RIOK2: variants seen among roughly 807,000 people sequenced by gnomAD.
RIOK2 encodes the protein RIO kinase 2.
RIOK2 carries 46 observed loss-of-function variants against 62.4 expected under a neutral mutation model. The ratio of observed to expected loss-of-function variants is 0.74; its 90% CI spans 0.58 to 0.94. The LOEUF is 0.94. Ranked by LOEUF, RIOK2 falls within the 40% of genes least tolerant of loss-of-function variation. The pLI, the probability that RIOK2 is intolerant of heterozygous loss-of-function variation, is 0.00. For missense variants in RIOK2, 574 were observed against 658.0 expected, an observed-to-expected ratio of 0.87 and a Z score of 1.40; for synonymous variants, 197 against 216.0, an observed-to-expected ratio of 0.91 and a Z score of 0.77.
chr5:97,173,333 T>C, intron 4 of RIOK2, 70 bp from the exon 5 acceptor site: 1 of 955,338 alleles, frequency 1.0e-6, no homozygotes, highest in Non-Finnish European at 1.6e-6. Flanking sequence ...TAAAAGTAAA[T>C]ATACCTTTCT....
At chr5:97,173,303 C>A in intron 4 of RIOK2, 40 bp from the exon 5 acceptor site, 1 of 1,233,996 alleles carries the variant, frequency 8.1e-7, no homozygotes, top group South Asian at 1.2e-5. Flanking sequence ...ATGAACAGGT[C>A]ATTACTCTTT....
intron 1 of RIOK2, among the ~76,000 whole-genome samples, chr5:97,182,049 C>T (rs1749427914): frequency 6.6e-6 from 1 of 152,178 alleles, no homozygotes; most frequent in African/African-American, 2.4e-5. Flanking sequence ...ATCGCATATC[C>T]TATTACATAA....
At position 97,173,239 on chromosome 5, in the gene RIOK2, C is replaced by T. The variant is rs35713904; in HGVS notation, c.523G>A (p.Val175Ile). Residue 175 changes from valine to isoleucine, a missense_variant, in exon 5 of 10, where the codon GTT (valine) becomes ATT (isoleucine). Coordinates refer to ENST00000283109, the MANE Select transcript of RIOK2 (RefSeq NM_018343.3). Reference protein sequence around the residue: ...MKALYERKFPVPKPIDYNRHA... With the variant: ...MKALYERKFPIPKPIDYNRHA... ...CGATTGTAATCAATTGGCTTTGGAACTGGAAATTTCCTCTCATACAATGCC... is the reference window on the plus strand; with the variant it reads ...CGATTGTAATCAATTGGCTTTGGAATTGGAAATTTCCTCTCATACAATGCC... 0.018 allele frequency: 29,557 copies of T among 1,612,764 alleles called. 329 individuals are homozygous for T. Among genetic ancestry groups the T allele is most frequent in the Middle Eastern group, 0.024 (145 of 6,056 alleles).
intron 8 of RIOK2, among the ~76,000 whole-genome samples, chr5:97,166,559 T>A (rs1334721464): frequency 6.6e-6 from 1 of 152,174 alleles, no homozygotes; most frequent in African/African-American, 2.4e-5. Flanking sequence ...TAACTACAAT[T>A]TGATTCTGAA....
At position 97,174,280 on chromosome 5, in the gene RIOK2, C is replaced by T. The variant is rs369478164; in HGVS notation, c.499-1017G>A. The stretch of plus-strand genomic sequence containing the variant: ...TAAAAATACAAAAAAATTAGCCAGG[C>T]GTGGTGGCACATGCCTGTAGTCCCA... On this transcript the variant is annotated intron_variant, in intron 4 of 9. Coordinates refer to ENST00000283109, the MANE Select transcript of RIOK2 (RefSeq NM_018343.3). 1.5e-4 allele frequency among the ~76,000 whole-genome samples: 23 copies of T among 152,182 alleles called. No individual in the cohort carries two copies. In the South Asian group the frequency reaches 3.5e-3, roughly 23 times the overall value.
chr5:97,173,360 C>T (rs776944307), intron 4 of RIOK2, 97 bp from the exon 5 acceptor site: 20 of 714,066 alleles, frequency 2.8e-5, no homozygotes, highest in Non-Finnish European at 4.2e-5. Flanking sequence ...AGAAAAAAAA[C>T]ACACAAACCT....
In RIOK2 at chr5:97,163,026, A is replaced by AAAAT; in HGVS notation, c.*31_*34dup. 1.3e-6 allele frequency: 2 copies of AAAAT among 1,540,790 alleles called. No homozygotes were observed. Among genetic ancestry groups the AAAAT allele is most frequent in the African/African-American group, 2.8e-5 (2 of 72,192 alleles). ...CAAAAAGGAATTACAGTAACTTTAA[A>AAAAT]AAATATATTAAACATATCCAAGATC... On this transcript the variant is annotated 3_prime_UTR_variant, in exon 10 of 10. Transcript: ENST00000283109.
At chr5:97,180,132 A>ATATATATGTATATATATATG (rs1561522404) in intron 1 of RIOK2, among the ~76,000 whole-genome samples, 1 of 36,828 alleles carries the variant, frequency 2.7e-5, no homozygotes, top group Non-Finnish European at 6.2e-5. Context: ...ATATGTATAT[A>ATATATATGTATATATATATG]TATATATATG....
chr5:97,178,716 T>C (rs986714520), intron 2 of RIOK2: 1 of 322,916 alleles, frequency 3.1e-6, no homozygotes, highest in Non-Finnish European at 5.8e-6. Context: ...AGTACCTACG[T>C]GCTCTTCTGC....
chr5:97,182,293 T>A (rs1462405903), intron 1 of RIOK2, among the ~76,000 whole-genome samples: 1 of 152,216 alleles, frequency 6.6e-6, no homozygotes, highest in Non-Finnish European at 1.5e-5. Context: ...TTCCGCTACA[T>A]CTCCAACCAT....
intron 1 of RIOK2, 52 bp downstream of exon 1, chr5:97,183,072 AAG>A (rs569753561): frequency 6.3e-7 from 1 of 1,582,696 alleles, no homozygotes; most frequent in African/African-American, 1.3e-5. Flanking sequence ...CAGGAACAGG[AAG>A]AGGTCACACA....
chr5:97,162,454 C>A lies in RIOK2; in HGVS notation c.*607G>T, dbSNP rs1748729678. 6.6e-6 allele frequency: 1 copy of A among 152,460 alleles called. No individual in the cohort carries two copies. The highest frequency in any genetic ancestry group is 1.5e-5 in the Non-Finnish European group (1 of 68,222). The allele number at this position is 152,460 out of a possible 1,614,324, so 9.4% of individuals were successfully genotyped here. On this transcript the variant is annotated 3_prime_UTR_variant, in exon 10 of 10. Coordinates refer to ENST00000283109, the MANE Select transcript of RIOK2 (RefSeq NM_018343.3). ...CTCAGGCCTGCTTACAAGCTGCCAA[C>A]TGTAAAAATTGTGGTAGACTATCTC...
chr5:97,165,029 T>C, intron 9 of RIOK2, 22 bp downstream of exon 9: 1 of 1,470,770 alleles, frequency 6.8e-7, no homozygotes, highest in Non-Finnish European at 9.4e-7. Context: ...AAACATTCAG[T>C]ACATGTTGAA....
chr5:97,181,923 C>G (rs989422331), intron 1 of RIOK2, among the ~76,000 whole-genome samples: 2 of 152,136 alleles, frequency 1.3e-5, no homozygotes, highest in African/African-American at 4.8e-5. Flanking sequence ...ACATTGTCTT[C>G]CAAATTTCAC....
chr5:97,169,870 T>C (rs73143197), intron 6 of RIOK2, among the ~76,000 whole-genome samples: 6,379 of 152,284 alleles, frequency 0.042, 374 homozygotes, highest in African/African-American at 0.13. Context: ...TGGAGGCTCC[T>C]AGATGTTCCT....
rs754805769 is a variant in RIOK2, at chr5:97,177,285, TAAATATCTA to T, written c.323-3_328del. The T allele has an allele frequency of 1.1e-5, 18 of 1,609,920 alleles. No homozygotes were observed. The highest frequency in any genetic ancestry group is 6.6e-5 in the South Asian group (6 of 90,620). ...TTGTCCTTCTTCATTTGCAACAATG[TAAATATCTA>T]GAGACAAAATTTCAAAAACAACCAT... On this transcript the variant is annotated splice_acceptor_variant and splice_polypyrimidine_tract_variant and coding_sequence_variant and intron_variant, in exon 4 of 10. Coordinates refer to ENST00000283109, the MANE Select transcript of RIOK2 (RefSeq NM_018343.3). LOFTEE classifies it high-confidence loss of function.
chr5:97,164,665 C>T (rs1466960712), intron 9 of RIOK2, among the ~76,000 whole-genome samples: 2 of 152,138 alleles, frequency 1.3e-5, no homozygotes, highest in African/African-American at 2.4e-5. Flanking sequence ...ATGACTCATC[C>T]ACCTCAAACC....
chr5:97,167,850 A>T lies in RIOK2; in HGVS notation c.1014T>A (p.Asp338Glu). The change falls in exon 8 of 10, where the codon GAT becomes GAA. Residue 338 changes from aspartate to glutamate, a missense_variant. Physicochemically the swap from Asp to Glu is conservative, Grantham distance 45. Coordinates refer to ENST00000283109, the MANE Select transcript of RIOK2 (RefSeq NM_018343.3). ...CCTCTGCTTTTTCTGCCACTTCTCC[A>T]TCTGAAAATGAGAATTCAGATCCCT... ...TKEGSEFSFS[D>E]GEVAEKAEVY... 6.2e-7 allele frequency: 1 copy of T among 1,614,070 alleles called. No individual in the cohort carries two copies. The highest frequency in any genetic ancestry group is 1.7e-5 in the Admixed American group (1 of 60,026).
In RIOK2 at chr5:97,168,064, C is replaced by A. The variant is rs146452275; in HGVS notation, c.873-73G>T. On this transcript the variant is annotated intron_variant, in intron 7 of 9. Coordinates refer to ENST00000283109, the MANE Select transcript of RIOK2 (RefSeq NM_018343.3). ...CTAAGAGGAGCAAATATCTACTACT[C>A]TGATAAATTATGATTCAAGTGAGTT... The A allele has an allele frequency of 3.5e-4, 488 of 1,411,174 alleles. 4 individuals are homozygous for A. In the East Asian group the frequency reaches 0.011, roughly 32 times the overall value. 87.4% of individuals were successfully genotyped at this position (1,411,174 alleles called of 1,614,324 possible).
Sources: gnomAD v4.1 joint callset for allele counts (sites outside exome capture counted in the v4.1 genomes callset) on GRCh38, gnomAD v4.1.1 for gene constraint, MANE v1.5 for transcripts, NCBI Gene and HGNC (gene_info 2026-07-23, HGNC 2026-07-21) for gene names.